The following GPR158 variants were observed in gnomAD, a reference collection of about 807,000 sequenced individuals.
The protein encoded by GPR158 is G protein-coupled receptor 158.
In GPR158, 30 loss-of-function variants were observed where a neutral mutation model predicts 78.2. That is an observed-to-expected ratio of 0.38 (90% CI 0.29 to 0.52). The LOEUF (loss-of-function observed/expected upper bound fraction) is 0.52. Among genes scored for constraint, GPR158 ranks in the 20% least tolerant of loss-of-function variants. The pLI is 0.83. For missense variants in GPR158, 1,463 were observed against 1,523.5 expected (o/e 0.96, Z 0.66); for synonymous variants, 581 against 591.1 (o/e 0.98, Z 0.25).
intron 2 of GPR158, among the ~76,000 whole-genome samples, chr10:25,285,464 A>G (rs183509234): frequency 9.7e-4 from 148 of 152,274 alleles, no homozygotes; most frequent in Non-Finnish European, 1.6e-3. Context: ...AGGCCTCAGA[A>G]CCAGGGAAGC....
chr10:25,591,083 A>G (rs1837334180), intron 8 of GPR158, among the ~76,000 whole-genome samples: 1 of 152,080 alleles, frequency 6.6e-6, no homozygotes, highest in Non-Finnish European at 1.5e-5. Flanking sequence ...AAACTCCCCA[A>G]TCATGCTACC....
chr10:25,190,439 C>T (rs1852758336), intron 1 of GPR158, among the ~76,000 whole-genome samples: 1 of 151,978 alleles, frequency 6.6e-6, no homozygotes, highest in African/African-American at 2.4e-5. Context: ...TTCAAGTGAT[C>T]CTCCCACCTC....
At chr10:25,371,246 G>A (rs1457948020) in intron 2 of GPR158, among the ~76,000 whole-genome samples, 1 of 151,208 alleles carries the variant, frequency 6.6e-6, no homozygotes, top group Non-Finnish European at 1.5e-5. Context: ...ATTAGTTGAT[G>A]CAGTTTCTTC....
chr10:25,589,385 T>C (rs1032113756), intron 8 of GPR158, among the ~76,000 whole-genome samples: 15 of 152,208 alleles, frequency 9.9e-5, no homozygotes, highest in Admixed American at 2.6e-4. Flanking sequence ...TTCAATGTTA[T>C]TGTATTATCT....
chr10:25,598,399 G>T lies in GPR158; in HGVS notation c.2773G>T (p.Val925Leu). 2 of 1,614,116 alleles carry T rather than the reference G, an allele frequency of 1.2e-6. No individual in the cohort carries two copies. The highest frequency in any genetic ancestry group is 1.7e-6 in the Non-Finnish European group (2 of 1,180,030). Residue 925 changes from valine (V) to leucine (L), a missense_variant, in exon 11 of 11, where the codon GTG (valine) becomes TTG (leucine). Val to Leu is a conservative substitution (Grantham distance 32, BLOSUM62 1). Coordinates refer to ENST00000376351, the MANE Select transcript of GPR158 (RefSeq NM_020752.3). ...GLAGKTQTAG[V>L]EERTKSQKPL... ...AGCTGGGAAAACCCAAACAGCAGGT[G>T]TGGAAGAACGCACTAAATCCCAGAA...
intron 1 of GPR158, among the ~76,000 whole-genome samples, chr10:25,194,745 G>A (rs747865925): frequency 1.3e-5 from 2 of 151,858 alleles, no homozygotes; most frequent in Non-Finnish European, 2.9e-5. Flanking sequence ...GTGGAATTTG[G>A]TTTCGTTATA....
At chr10:25,314,358 C>A (rs552763104) in intron 2 of GPR158, among the ~76,000 whole-genome samples, 103 of 152,248 alleles carry the variant, frequency 6.8e-4, no homozygotes, top group African/African-American at 2.4e-3. Flanking sequence ...CTCGGCCTCC[C>A]AAAATGCTGG....
chr10:25,518,339 A>AT (rs1298146910), intron 5 of GPR158, among the ~76,000 whole-genome samples: 8 of 83,726 alleles, frequency 9.6e-5, no homozygotes, highest in Non-Finnish European at 1.8e-4. Flanking sequence ...GGATTCATTG[A>AT]TTTTTTGAAG....
chr10:25,540,945 AATATATATATAT>A (rs57800341), intron 5 of GPR158, among the ~76,000 whole-genome samples: 102 of 82,908 alleles, frequency 1.2e-3, no homozygotes, highest in African/African-American at 8.0e-3. Flanking sequence ...GTATAATAAA[AATATATATATAT>A]ATATATATAT....
chr10:25,192,064 T>G (rs1388479886), intron 1 of GPR158, among the ~76,000 whole-genome samples: 1 of 152,188 alleles, frequency 6.6e-6, no homozygotes, highest in Non-Finnish European at 1.5e-5. Flanking sequence ...AAATCTCATC[T>G]TGAATTGTAA....
In GPR158 at chr10:25,281,202, GTTAAA is replaced by G. The variant is rs1436855925; in HGVS notation, c.1008+60052_1008+60056del. ...GAATCTCTTCTCCATCTTTTCGTAG[GTTAAA>G]TTAAATGACCTGTAAGTAACTCACT... On this transcript the variant is annotated intron_variant, in intron 2 of 10. Transcript: ENST00000376351. 2.7e-5 allele frequency among the ~76,000 whole-genome samples: 4 copies of G among 150,894 alleles called. No homozygotes were observed. The East Asian group carries it at 7.8e-4, about 29-fold the overall frequency.
intron 2 of GPR158, among the ~76,000 whole-genome samples, chr10:25,307,016 CAGAGAGAGAGAGAGAG>C (rs67926384): frequency 6.8e-6 from 1 of 146,374 alleles, no homozygotes; most frequent in African/African-American, 2.5e-5. Flanking sequence ...CACACACATA[CAGAGAGAGAGAGAGAG>C]AGAGAGAGGG....
At chr10:25,521,703 A>G (rs1836277639) in intron 5 of GPR158, among the ~76,000 whole-genome samples, 1 of 152,200 alleles carries the variant, frequency 6.6e-6, no homozygotes, top group South Asian at 2.1e-4. Context: ...GGTCAGTAAA[A>G]CATGGAACGC....
intron 1 of GPR158, among the ~76,000 whole-genome samples, chr10:25,182,262 C>T (rs2130629511): frequency 6.6e-6 from 1 of 152,306 alleles, no homozygotes; most frequent in South Asian, 2.1e-4. Context: ...GGACTTAAGA[C>T]TTCCTGATTT....
intron 2 of GPR158, among the ~76,000 whole-genome samples, chr10:25,347,486 G>A (rs1760755): frequency 0.42 from 63,206 of 151,770 alleles, 14,808 homozygotes; most frequent in Middle Eastern, 0.56. Context: ...GGCCATCTTT[G>A]GGGGCCTACT....
At chr10:25,556,727 A>G (rs542549827) in intron 6 of GPR158, among the ~76,000 whole-genome samples, 5 of 152,342 alleles carry the variant, frequency 3.3e-5, no homozygotes, top group African/African-American at 9.6e-5. Context: ...TGCTAGCCGC[A>G]GAGGTGATTT....
At chr10:25,196,651 A>G (rs1009558839) in intron 1 of GPR158, among the ~76,000 whole-genome samples, 8 of 152,234 alleles carry the variant, frequency 5.3e-5, no homozygotes, top group Non-Finnish European at 8.8e-5. Context: ...GAAGCTAGAC[A>G]AAGAAGCTGG....
intron 2 of GPR158, among the ~76,000 whole-genome samples, chr10:25,321,272 C>T (rs1163027422): frequency 1.3e-5 from 2 of 152,126 alleles, no homozygotes; most frequent in Non-Finnish European, 2.9e-5. Context: ...TGTCATTCAA[C>T]TGAACATTAC....
intron 2 of GPR158, among the ~76,000 whole-genome samples, chr10:25,311,179 A>AT (rs1411426007): frequency 6.6e-6 from 1 of 151,572 alleles, no homozygotes; most frequent in Non-Finnish European, 1.5e-5. Context: ...TTGCATGTTC[A>AT]TTTTTCCATA....
Sources: allele counts gnomAD v4.1 joint callset (sites outside exome capture counted in the v4.1 genomes callset), GRCh38; gene constraint gnomAD v4.1.1; transcripts MANE v1.5; gene names NCBI Gene and HGNC (gene_info 2026-07-23, HGNC 2026-07-21).